Variants in ZFYVE26 observed in about 807,000 individuals in gnomAD.
ZFYVE26 encodes zinc finger FYVE domain-containing protein 26.
ZFYVE26 carries 181 observed loss-of-function variants against 276.5 expected under a neutral mutation model. The observed-to-expected ratio is 0.65, with a 90% CI of 0.58 to 0.74. The LOEUF is 0.74. Ranked by LOEUF, ZFYVE26 falls within the 30% of genes least tolerant of loss-of-function variation. The pLI, the probability that ZFYVE26 is intolerant of heterozygous loss-of-function variation, is 0.00. For synonymous variants in ZFYVE26, 1,129 were observed against 1,203.1 expected (o/e 0.94, Z 1.27); for missense variants, 2,821 against 3,097.9 (o/e 0.91, Z 2.12).
intron 39 of ZFYVE26, 103 bp from the exon 40 acceptor site, chr14:67,752,629 A>T (rs975162321): frequency 8.0e-7 from 1 of 1,249,600 alleles, no homozygotes; most frequent in African/African-American, 1.5e-5. Flanking sequence ...TAGATAAGCC[A>T]TATTGATTGT....
chr14:67,778,636 G>GA (rs1316593968), intron 23 of ZFYVE26, among the ~76,000 whole-genome samples: 1 of 152,134 alleles, frequency 6.6e-6, no homozygotes, highest in Non-Finnish European at 1.5e-5. Context: ...AAGTCAATAT[G>GA]AAAAAATAAA....
intron 2 of ZFYVE26, 55 bp from the exon 3 acceptor site, chr14:67,814,119 C>T (rs1238471107): frequency 2.8e-6 from 4 of 1,414,474 alleles, no homozygotes; most frequent in Non-Finnish European, 4.0e-6. Flanking sequence ...GATCTTTCAT[C>T]TTTTGTCATC....
intron 35 of ZFYVE26, among the ~76,000 whole-genome samples, chr14:67,759,877 G>C (rs1182323848): frequency 6.6e-6 from 1 of 152,116 alleles, no homozygotes; most frequent in Non-Finnish European, 1.5e-5. Context: ...TGGGCAGAGT[G>C]GGCAAAGGGA....
chr14:67,764,535 C>A (rs1594894128), intron 32 of ZFYVE26, among the ~76,000 whole-genome samples: 1 of 152,090 alleles, frequency 6.6e-6, no homozygotes, highest in South Asian at 2.1e-4. Flanking sequence ...TGTTTTTAAG[C>A]CTATATTTAT....
chr14:67,765,118 TTTC>T (rs1432986279), intron 32 of ZFYVE26, among the ~76,000 whole-genome samples: 2 of 152,224 alleles, frequency 1.3e-5, no homozygotes, highest in East Asian at 3.8e-4. Flanking sequence ...CACATATCTG[TTTC>T]TTCATTTATC....
At chr14:67,792,902 C>T (rs1488276750) in intron 14 of ZFYVE26, among the ~76,000 whole-genome samples, 1 of 29,236 alleles carries the variant, frequency 3.4e-5, no homozygotes, top group Admixed American at 5.1e-4. Context: ...GTGACAAAAG[C>T]AAATCTGTCT....
At chr14:67,787,780 T>C (rs867235833) in intron 16 of ZFYVE26, among the ~76,000 whole-genome samples, 5 of 152,352 alleles carry the variant, frequency 3.3e-5, no homozygotes, top group Non-Finnish European at 7.3e-5. Context: ...ATAGGGACTA[T>C]GTAAACATTA....
intron 2 of ZFYVE26, among the ~76,000 whole-genome samples, chr14:67,814,766 T>C (rs891123232): frequency 6.6e-6 from 1 of 152,188 alleles, no homozygotes; most frequent in African/African-American, 2.4e-5. Flanking sequence ...AACAGGACTT[T>C]AGGAATTCAT....
chr14:67,792,211 T>C (rs1030961044), intron 14 of ZFYVE26, among the ~76,000 whole-genome samples: 1 of 152,238 alleles, frequency 6.6e-6, no homozygotes, highest in African/African-American at 2.4e-5. Context: ...GTTCCCTAGA[T>C]TTATTCCTCA....
intron 23 of ZFYVE26, among the ~76,000 whole-genome samples, chr14:67,778,763 G>T (rs1243047063): frequency 2.7e-5 from 4 of 150,848 alleles, no homozygotes; most frequent in Non-Finnish European, 4.4e-5. Flanking sequence ...AAGTTTGAGA[G>T]AATAGAATTC....
chr14:67,797,958 C>G, intron 11 of ZFYVE26, 56 bp downstream of exon 11: 1 of 1,612,264 alleles, frequency 6.2e-7, no homozygotes, highest in South Asian at 1.1e-5. Context: ...TCCCATATTC[C>G]TGGGATCTTT....
chr14:67,775,137 C>T, intron 26 of ZFYVE26, 23 bp from the exon 27 acceptor site: 1 of 1,530,928 alleles, frequency 6.5e-7, no homozygotes, highest in African/African-American at 1.4e-5. Flanking sequence ...AAAATGCTGA[C>T]AAAATATGGT....
chr14:67,784,522 C>T, intron 19 of ZFYVE26, 86 bp from the exon 20 acceptor site: 2 of 1,219,976 alleles, frequency 1.6e-6, no homozygotes, highest in Non-Finnish European at 2.4e-6. Flanking sequence ...GAAAAAAGTA[C>T]AGTGTCAAGA....
At chr14:67,770,184 C>T in intron 28 of ZFYVE26, 1 of 257,222 alleles carries the variant, frequency 3.9e-6, no homozygotes, top group South Asian at 4.9e-5. Context: ...GACTTTTAGG[C>T]TGGGCGCGGT....
At position 67,762,383 on chromosome 14, in the gene ZFYVE26, G is replaced by A. The variant is rs777612795; in HGVS notation, c.6189C>T (p.Thr2063=). The change falls in exon 34 of 42, where the codon ACC becomes ACT. Residue 2063 remains threonine (T), a synonymous_variant. Transcript: ENST00000347230. Reference sequence around the variant, plus strand: ...CCATGCCCCAAGCATGCCACGCCCCGGTGGTATCAAGCCCAGTCTTTGTGG... The same window carrying A: ...CCATGCCCCAAGCATGCCACGCCCCAGTGGTATCAAGCCCAGTCTTTGTGG... ...EVSTKTGLDT[T]GAWHAWGMAC... 3.7e-5 allele frequency: 59 copies of A among 1,613,968 alleles called. No individual in the cohort carries two copies. The highest frequency in any genetic ancestry group is 7.7e-5 in the South Asian group (7 of 91,072).
In ZFYVE26 at chr14:67,798,403, G is replaced by A. The variant is rs1446154884; in HGVS notation, c.1859C>T (p.Pro620Leu). The part of the protein sequence containing the change: ...PSGLRSPSES[P>L]QHIAHPERKS... ...CCTTTCAGGATGTGCTATGTGCTGA[G>A]GGCTCTCTGATGGGGACCTCAAACC... Residue 620 changes from proline to leucine, a missense_variant, in exon 11 of 42, where the codon CCT (proline) becomes CTT (leucine). Coordinates refer to ENST00000347230, the MANE Select transcript of ZFYVE26 (RefSeq NM_015346.4). The A allele has an allele frequency of 3.7e-6, 6 of 1,613,028 alleles. No individual in the cohort carries two copies. In the African/African-American group the frequency reaches 5.3e-5, roughly 14 times the overall value.
intron 13 of ZFYVE26, among the ~76,000 whole-genome samples, chr14:67,736,355 T>G (rs1405661404): frequency 1.3e-5 from 2 of 152,222 alleles, no homozygotes; most frequent in Admixed American, 6.5e-5. Flanking sequence ...TATTTTGATA[T>G]CGCTATCATA....
chr14:67,745,810 A>G (rs1401569275), downstream of ZFYVE26, among the ~76,000 whole-genome samples: 7 of 151,738 alleles, frequency 4.6e-5, no homozygotes, highest in Non-Finnish European at 1.0e-4. Context: ...AGGATTGCTT[A>G]AGCCCAGAAG....
Position 67,780,367 on chromosome 14 carries a change from C to T in ZFYVE26, c.4570-22G>A, listed in dbSNP as rs2273161. 8,412 of 1,599,050 alleles carry T rather than the reference C, an allele frequency of 5.3e-3. 324 individuals carry two copies. In the Admixed American group the frequency reaches 0.074, roughly 14 times the overall value. ...GAATCTAAGGAAAGACAAGAAAATC[C>T]GTCAAACCACACTGCAGCTTCTCCC... On this transcript the variant is annotated intron_variant, in intron 22 of 41. Transcript: ENST00000347230.
Sources: allele counts gnomAD v4.1 joint callset (sites outside exome capture counted in the v4.1 genomes callset), GRCh38; gene constraint gnomAD v4.1.1; transcripts MANE v1.5; gene names NCBI Gene and HGNC (gene_info 2026-07-23, HGNC 2026-07-21).